Variants in ZNF148 observed in about 807,000 individuals in gnomAD.
ZNF148 encodes Beta-Enolase Repressor Factor-1.
A neutral mutation model predicts 67.7 loss-of-function variants in ZNF148; 7 were observed. The ratio of observed to expected loss-of-function variants is 0.10; its 90% CI spans 0.06 to 0.19. The LOEUF is 0.19. Ranked by LOEUF, ZNF148 falls within the 10% of genes least tolerant of loss-of-function variation. ZNF148 has a pLI of 1.00. For synonymous variants in ZNF148, 333 were observed against 330.7 expected (o/e 1.01, Z -0.08); for missense variants, 583 against 947.1 (o/e 0.62, Z 5.05).
At chr3:125,275,781 TACTC>T (rs778539531) in intron 7 of ZNF148, among the ~76,000 whole-genome samples, 1 of 152,224 alleles carries the variant, frequency 6.6e-6, no homozygotes, top group East Asian at 1.9e-4. Context: ...AAAGAATTCA[TACTC>T]ACACACAAAA....
chr3:125,259,630 C>G (rs905955798), intron 7 of ZNF148, among the ~76,000 whole-genome samples: 1 of 152,020 alleles, frequency 6.6e-6, no homozygotes, highest in African/African-American at 2.4e-5. Flanking sequence ...AATAGCATTA[C>G]GTCTAAAAAA....
chr3:125,360,743 C>T (rs2107780595), intron 1 of ZNF148, among the ~76,000 whole-genome samples: 1 of 151,108 alleles, frequency 6.6e-6, no homozygotes, highest in African/African-American at 2.4e-5. Context: ...TGTTGGGAGG[C>T]CAAGGAGGGA....
Position 125,231,327 on chromosome 3 carries a change from T to C in ZNF148, c.*1014A>G, listed in dbSNP as rs1449458112. 9 of 152,490 alleles carry C rather than the reference T, an allele frequency of 5.9e-5. No individual in the cohort carries two copies. The allele number at this position is 152,490 out of a possible 1,614,324, so 9.4% of individuals were successfully genotyped here. ...TATTGCCAAAAGTTAAAATTGTCAA[T>C]TACGAGATGATTATGACACAACCAT... On this transcript the variant is annotated 3_prime_UTR_variant, in exon 9 of 9. Transcript: ENST00000360647.
At chr3:125,332,786 T>G (rs1313659589) in intron 1 of ZNF148, among the ~76,000 whole-genome samples, 1 of 152,242 alleles carries the variant, frequency 6.6e-6, no homozygotes, top group Non-Finnish European at 1.5e-5. Flanking sequence ...GATTCATGAA[T>G]AGTTCTTTGC....
chr3:125,253,061 ATT>A (rs1490671935), intron 7 of ZNF148, among the ~76,000 whole-genome samples: 3 of 152,118 alleles, frequency 2.0e-5, no homozygotes, highest in Non-Finnish European at 4.4e-5. Flanking sequence ...ATCTGCTGGT[ATT>A]TGATATTTTA....
chr3:125,316,530 T>C (rs1404623926), intron 3 of ZNF148, among the ~76,000 whole-genome samples: 1 of 152,230 alleles, frequency 6.6e-6, no homozygotes, highest in Admixed American at 6.5e-5. Flanking sequence ...CTTTTGGATA[T>C]AAGCCATTTT....
intron 1 of ZNF148, among the ~76,000 whole-genome samples, chr3:125,354,967 T>C (rs2107767108): frequency 6.6e-6 from 1 of 152,318 alleles, no homozygotes; most frequent in African/African-American, 2.4e-5. Flanking sequence ...TGCCACACCC[T>C]TTCCCTCAGC....
intron 7 of ZNF148, among the ~76,000 whole-genome samples, chr3:125,258,276 TTA>T (rs1937181423): frequency 6.6e-6 from 1 of 151,624 alleles, no homozygotes. Context: ...ACAAAAAAAA[TTA>T]GCCGGGCATG....
intron 7 of ZNF148, among the ~76,000 whole-genome samples, chr3:125,264,987 T>C (rs918182559): frequency 5.9e-5 from 9 of 152,214 alleles, no homozygotes; most frequent in African/African-American, 1.9e-4. Context: ...AGTAAGTAGC[T>C]TTAACTCTCA....
chr3:125,355,859 T>C (rs1284979854), intron 1 of ZNF148, among the ~76,000 whole-genome samples: 1 of 152,196 alleles, frequency 6.6e-6, no homozygotes, highest in Non-Finnish European at 1.5e-5. Context: ...ATATAAGCTA[T>C]GGGGAAATCC....
chr3:125,289,590 T>C (rs376763438), intron 4 of ZNF148, among the ~76,000 whole-genome samples: 10 of 152,150 alleles, frequency 6.6e-5, no homozygotes, highest in African/African-American at 2.4e-4. Flanking sequence ...TGAAGTGGTA[T>C]TTACTGAAAA....
intron 7 of ZNF148, among the ~76,000 whole-genome samples, chr3:125,255,879 T>TC (rs1937051025): frequency 1.3e-5 from 2 of 152,216 alleles, no homozygotes; most frequent in South Asian, 4.2e-4. Flanking sequence ...TTTAAAATCT[T>TC]CTTGGTCTTT....
rs141809192 is a variant in ZNF148 at position 125,298,346 on chromosome 3, TACAC to T, written c.334-10122_334-10119del. On this transcript the variant is annotated intron_variant, in intron 4 of 8. Coordinates refer to ENST00000360647, the MANE Select transcript of ZNF148 (RefSeq NM_021964.3). ...CCTAGAGCAATGTTATAAATGTGCA[TACAC>T]ACACACACACACACACACACACATG... 1.1e-4 allele frequency among the ~76,000 whole-genome samples: 16 copies of T among 145,764 alleles called. No homozygotes were observed. In the South Asian group the frequency reaches 3.0e-3, roughly 28 times the overall value.
chr3:125,317,441 T>A (rs1307702076), intron 3 of ZNF148, among the ~76,000 whole-genome samples: 1 of 151,998 alleles, frequency 6.6e-6, no homozygotes, highest in Non-Finnish European at 1.5e-5. Flanking sequence ...ATAAGGATGT[T>A]TGCTACAACC....
At chr3:125,263,991 C>A (rs184866239) in intron 7 of ZNF148, among the ~76,000 whole-genome samples, 21 of 152,308 alleles carry the variant, frequency 1.4e-4, no homozygotes, top group Admixed American at 1.2e-3. Flanking sequence ...TCCATAAAAG[C>A]CCCTAAGTAA....
At chr3:125,256,720 C>CT (rs1937096042) in intron 7 of ZNF148, among the ~76,000 whole-genome samples, 1 of 152,002 alleles carries the variant, frequency 6.6e-6, no homozygotes. Flanking sequence ...CCCTAATGCT[C>CT]TAAGACATCC....
At chr3:125,277,054 A>C (rs893375126) in intron 7 of ZNF148, among the ~76,000 whole-genome samples, 1 of 152,260 alleles carries the variant, frequency 6.6e-6, no homozygotes, top group Non-Finnish European at 1.5e-5. Flanking sequence ...ACAAAAAGCA[A>C]AACACTGGAA....
intron 7 of ZNF148, among the ~76,000 whole-genome samples, chr3:125,271,677 A>C (rs1474963409): frequency 3.3e-5 from 5 of 152,224 alleles, no homozygotes; most frequent in Non-Finnish European, 7.4e-5. Context: ...CTGTGTGGAT[A>C]AAGTGAGATA....
At chr3:125,320,049 G>A (rs1242936698) in intron 3 of ZNF148, among the ~76,000 whole-genome samples, 1 of 152,104 alleles carries the variant, frequency 6.6e-6, no homozygotes, top group African/African-American at 2.4e-5. Context: ...CCTGTGGGAG[G>A]ATTCAACACT....
Sources: gnomAD v4.1 joint callset for allele counts (sites outside exome capture counted in the v4.1 genomes callset) on GRCh38, gnomAD v4.1.1 for gene constraint, MANE v1.5 for transcripts, NCBI Gene and HGNC (gene_info 2026-07-23, HGNC 2026-07-21) for gene names.